The following GRIA4 variants were observed in gnomAD, a reference collection of about 807,000 sequenced individuals.
GRIA4 encodes glutamate ionotropic receptor AMPA type subunit 4.
A neutral mutation model predicts 104.0 loss-of-function variants in GRIA4; 34 were observed. That is an observed-to-expected ratio of 0.33 (90% CI 0.25 to 0.44). The LOEUF (loss-of-function observed/expected upper bound fraction) is 0.44. Ranked by LOEUF, GRIA4 falls within the 20% of genes least tolerant of loss-of-function variation. The probability of loss-of-function intolerance (pLI) is 1.00; values close to 1 mark genes in which losing one functional copy is unlikely to be tolerated. For missense variants in GRIA4, 750 were observed against 1,096.5 expected (o/e 0.68, Z 4.46); for synonymous variants, 386 against 381.9 (o/e 1.01, Z -0.13).
At chr11:105,935,126 T>C (rs1045580974) in intron 14 of GRIA4, among the ~76,000 whole-genome samples, 2 of 151,932 alleles carry the variant, frequency 1.3e-5, no homozygotes, top group African/African-American at 4.8e-5. Flanking sequence ...TTGGGAAGGG[T>C]TGAGAGAGAT....
In GRIA4 at chr11:105,903,941, C is replaced by T. The variant is rs1425201356; in HGVS notation, c.1013C>T (p.Pro338Leu). Residue 338 changes from proline (P) to leucine (L), a missense_variant, in exon 8 of 17, where the codon CCA becomes CTA. By Grantham distance (98) the Pro-to-Leu change is moderately conservative. Around this residue, in one of 3 missense-constraint regions of GRIA4, gnomAD observed 410 missense variants for 502.7 expected, o/e 0.82. Transcript: ENST00000282499. ...AGDCLANPAA[P>L]WGQGIDMERT... ...GATTGTCTGGCAAATCCTGCTGCTC[C>T]ATGGGGCCAGGGAATTGACATGGAG... 2 of 1,613,280 alleles carry T rather than the reference C, an allele frequency of 1.2e-6. No homozygotes were observed. Among genetic ancestry groups the T allele is most frequent in the Admixed American group, 3.3e-5 (2 of 59,982 alleles).
At chr11:105,788,213 A>T (rs1942059450) in intron 4 of GRIA4, among the ~76,000 whole-genome samples, 1 of 152,332 alleles carries the variant, frequency 6.6e-6, no homozygotes, top group Admixed American at 6.5e-5. Context: ...AAGATAACTA[A>T]GACATTTTAT....
intron 14 of GRIA4, among the ~76,000 whole-genome samples, chr11:105,958,808 G>A (rs1948658846): frequency 6.6e-6 from 1 of 152,116 alleles, no homozygotes; most frequent in African/African-American, 2.4e-5. Context: ...AGCCCTGGTA[G>A]TAACAAAATC....
At chr11:105,892,696 GTTT>G (rs1279929405) in intron 6 of GRIA4, among the ~76,000 whole-genome samples, 1 of 152,004 alleles carries the variant, frequency 6.6e-6, no homozygotes, top group Non-Finnish European at 1.5e-5. Context: ...TGTGCTTCCC[GTTT>G]TTTAACTTTT....
chr11:105,973,276 C>G (rs1858790178), intron 15 of GRIA4, among the ~76,000 whole-genome samples: 1 of 152,140 alleles, frequency 6.6e-6, no homozygotes, highest in Non-Finnish European at 1.5e-5. Flanking sequence ...AAACATACTG[C>G]TGAGAAGATA....
At chr11:105,650,912 G>A (rs774343166) in intron 3 of GRIA4, among the ~76,000 whole-genome samples, 1 of 152,162 alleles carries the variant, frequency 6.6e-6, no homozygotes, top group Admixed American at 6.6e-5. Flanking sequence ...CCCTCTTCTA[G>A]CAAGATTATA....
At chr11:105,711,184 A>C (rs1040698704) in intron 3 of GRIA4, among the ~76,000 whole-genome samples, 15 of 152,002 alleles carry the variant, frequency 9.9e-5, no homozygotes, top group Admixed American at 4.6e-4. Context: ...GGTTCCAAAG[A>C]CAACATTTAA....
intron 10 of GRIA4, among the ~76,000 whole-genome samples, chr11:105,915,788 C>T (rs149368595): frequency 1.2e-3 from 180 of 152,180 alleles, no homozygotes; most frequent in East Asian, 9.8e-3. Context: ...ATGCAATAAG[C>T]GCTTCAAAAT....
chr11:105,772,447 T>A (rs73540342), intron 4 of GRIA4, among the ~76,000 whole-genome samples: 14,102 of 152,168 alleles, frequency 0.093, 1,608 homozygotes, highest in African/African-American at 0.27. Flanking sequence ...TACAATGTGG[T>A]AAATGTATTT....
intron 3 of GRIA4, among the ~76,000 whole-genome samples, chr11:105,646,980 T>C (rs1951548184): frequency 6.6e-6 from 1 of 152,202 alleles, no homozygotes; most frequent in Non-Finnish European, 1.5e-5. Flanking sequence ...AAGGAGCTTC[T>C]GCACAGAAAA....
At position 105,873,582 on chromosome 11, in the gene GRIA4, A is replaced by C. The variant is rs79631488; in HGVS notation, c.672+11374A>C. Among the ~76,000 whole-genome samples the C allele has an allele frequency of 4.9e-4, 74 of 152,122 alleles. No individual in the cohort carries two copies. In the East Asian group the frequency reaches 0.013, roughly 27 times the overall value. On this transcript the variant is annotated intron_variant, in intron 5 of 16. Coordinates refer to ENST00000282499, the MANE Select transcript of GRIA4 (RefSeq NM_000829.4). ...TCCATTTCTCCACATCCTCGCCAGC[A>C]TCTGCTGTTTGACTTTTTAATGATC...
intron 4 of GRIA4, among the ~76,000 whole-genome samples, chr11:105,852,917 A>C (rs1232672115): frequency 1.3e-5 from 2 of 148,724 alleles, no homozygotes; most frequent in African/African-American, 4.9e-5. Context: ...AACCAAAATG[A>C]ATGGTTTTGG....
intron 4 of GRIA4, among the ~76,000 whole-genome samples, chr11:105,833,345 TCA>T (rs937776244): frequency 2.7e-4 from 41 of 152,146 alleles, no homozygotes; most frequent in African/African-American, 9.1e-4. Flanking sequence ...ATGCTATATC[TCA>T]GTCCTTCCAT....
chr11:105,670,736 A>G (rs1056025763), intron 3 of GRIA4, among the ~76,000 whole-genome samples: 1 of 152,152 alleles, frequency 6.6e-6, no homozygotes, highest in South Asian at 2.1e-4. Context: ...ATAAAGAAAC[A>G]TAGGTGGGAT....
At chr11:105,723,369 G>C (rs1225411478) in intron 3 of GRIA4, among the ~76,000 whole-genome samples, 1 of 151,884 alleles carries the variant, frequency 6.6e-6, no homozygotes, top group African/African-American at 2.4e-5. Context: ...ACTGAATTAG[G>C]TCATTACACT....
At chr11:105,688,166 C>CTA (rs1952957667) in intron 3 of GRIA4, among the ~76,000 whole-genome samples, 3 of 147,912 alleles carry the variant, frequency 2.0e-5, no homozygotes, top group African/African-American at 7.6e-5. Context: ...CTCTATCTAT[C>CTA]TATCTATCTA....
At chr11:105,742,078 CAGTT>C (rs1218148051) in intron 3 of GRIA4, among the ~76,000 whole-genome samples, 17 of 152,058 alleles carry the variant, frequency 1.1e-4, no homozygotes, top group African/African-American at 4.1e-4. Flanking sequence ...TATCATGTGG[CAGTT>C]AGTGTGTTAC....
chr11:105,799,643 T>G (rs71486032), intron 4 of GRIA4, among the ~76,000 whole-genome samples: 18,908 of 152,044 alleles, frequency 0.12, 1,391 homozygotes, highest in South Asian at 0.2. Context: ...TTAGTTACTG[T>G]GTGGAATATT....
intron 3 of GRIA4, among the ~76,000 whole-genome samples, chr11:105,655,650 A>C (rs532624983): frequency 6.6e-6 from 1 of 152,120 alleles, no homozygotes; most frequent in African/African-American, 2.4e-5. Flanking sequence ...ATGTCCCTGC[A>C]AGGGACAGGA....
Sources: allele counts gnomAD v4.1 joint callset (sites outside exome capture counted in the v4.1 genomes callset), GRCh38; gene constraint gnomAD v4.1.1; regional missense constraint gnomAD v4.1.1; transcripts MANE v1.5; gene names NCBI Gene and HGNC (gene_info 2026-07-23, HGNC 2026-07-21).